Variants in ABCA3 observed in about 807,000 individuals in gnomAD.
ABCA3 encodes phospholipid-transporting ATPase ABCA3.
In ABCA3, 88 loss-of-function variants were observed where a neutral mutation model predicts 172.8. The ratio of observed to expected loss-of-function variants is 0.51; its 90% CI spans 0.43 to 0.61. The LOEUF is 0.61. Ranked by LOEUF, ABCA3 falls within the 20% of genes least tolerant of loss-of-function variation. The pLI, the probability that ABCA3 is intolerant of heterozygous loss-of-function variation, is 0.00. For synonymous variants in ABCA3, 1,066 were observed against 983.8 expected (o/e 1.08, Z -1.56); for missense variants, 2,164 against 2,301.0 (o/e 0.94, Z 1.22).
At position 2,313,601 on chromosome 16, in the gene ABCA3, TA is replaced by T. The variant is rs1420435630; in HGVS notation, c.1111+3681del. ...GAAAGGGGGTTGTAAAAGTATAGTT[TA>T]AAAAAAAAAAGAAATTAAGAGGCCA... On this transcript the variant is annotated intron_variant, in intron 10 of 32. Coordinates refer to ENST00000301732, the MANE Select transcript of ABCA3 (RefSeq NM_001089.3). Among the ~76,000 whole-genome samples, 62 of 134,080 alleles carry T rather than the reference TA, an allele frequency of 4.6e-4. 1 individual carries two copies. The highest frequency in any genetic ancestry group is 9.7e-4 in the South Asian group (4 of 4,142). 88.0% of individuals were successfully genotyped at this position (134,080 alleles called of 152,430 possible). A position where few individuals can be genotyped will look rare whatever the true frequency, so the allele number is the denominator to read the frequency against.
In ABCA3 at chr16:2,288,065, C is replaced by G; in HGVS notation, c.2965G>C (p.Ala989Pro). The G allele has an allele frequency of 6.2e-7, 1 of 1,612,302 alleles. No individual in the cohort carries two copies. The highest frequency in any genetic ancestry group is 8.5e-7 in the Non-Finnish European group (1 of 1,180,014). The change falls in exon 21 of 33, where the codon GCA becomes CCA. Residue 989 changes from alanine (A) to proline (P), a missense_variant. Physicochemically the swap from Ala to Pro is conservative, Grantham distance 27. This residue lies in a region of ABCA3 where 1,343 missense variants were observed against 1,369.6 expected (regional missense o/e 0.98). Coordinates refer to ENST00000301732, the MANE Select transcript of ABCA3 (RefSeq NM_001089.3). ...GGCTCCTGTCCCTCAGCCTGCAGTG[C>G]GTCTTTCAGATGCTCTGACAGCTGC... The part of the protein sequence containing the change: ...GQQLSEHLKD[A>P]LQAEGQEPRE...
intron 5 of ABCA3, among the ~76,000 whole-genome samples, chr16:2,325,070 G>T (rs1158815629): frequency 6.6e-6 from 1 of 152,160 alleles, no homozygotes; most frequent in Non-Finnish European, 1.5e-5. Flanking sequence ...AATGAGGAGG[G>T]GAAAATGGAG....
At chr16:2,323,410 G>A (rs2093729097) in intron 7 of ABCA3, 113 bp downstream of exon 7, 4 of 1,406,824 alleles carry the variant, frequency 2.8e-6, no homozygotes, top group Non-Finnish European at 4.0e-6. Context: ...CAAGCCAAAT[G>A]TCCTGAAAAG....
At chr16:2,303,279 T>C (rs2093692373) in intron 12 of ABCA3, among the ~76,000 whole-genome samples, 1 of 151,510 alleles carries the variant, frequency 6.6e-6, no homozygotes, top group Admixed American at 6.6e-5. Flanking sequence ...TTTTTTTTTT[T>C]TGAGACAGAC....
intron 10 of ABCA3, 144 bp downstream of exon 10, chr16:2,317,139 C>T (rs1056150923): frequency 4.0e-6 from 5 of 1,257,794 alleles, no homozygotes; most frequent in Middle Eastern, 1.9e-4. Flanking sequence ...TTTCCTCCTT[C>T]CAGTCCAACC....
At chr16:2,276,867 T>A (rs1473518400) in intron 32 of ABCA3, 62 bp from the exon 33 acceptor site, 12 of 1,603,552 alleles carry the variant, frequency 7.5e-6, no homozygotes, top group Admixed American at 1.7e-5. Context: ...CTGCGGGACC[T>A]GGGAGTCCTC....
chr16:2,289,454 C>T lies in ABCA3; in HGVS notation c.2680G>A (p.Ala894Thr), dbSNP rs753505428. The change falls in exon 20 of 33, where the codon GCT becomes ACT. Residue 894 changes from alanine (A) to threonine (T), a missense_variant. By Grantham distance (58) the Ala-to-Thr change is moderately conservative (BLOSUM62 0). This residue lies in a region of ABCA3 where 1,343 missense variants were observed against 1,369.6 expected (regional missense o/e 0.98). Transcript: ENST00000301732. ...IGALIEEERT[A>T]VKLNTGLALH... The stretch of plus-strand genomic sequence containing the variant: ...CTCACCCCAGTGTTGAGCTTGACAG[C>T]GGTGCGCTCCTCCTCGATGAGGGCT... The T allele has an allele frequency of 6.3e-6, 10 of 1,589,100 alleles. No homozygotes were observed. The highest frequency in any genetic ancestry group is 4.6e-5 in the South Asian group (4 of 87,264).
rs1266975852 is a variant in ABCA3, at chr16:2,278,882, A to G, written c.4547+61T>C. ...GACCTGAGCGGTCACTCCCAGCTCT[A>G]TGCTATGGGGACCTTGATTCTGACT... On this transcript the variant is annotated intron_variant, in intron 29 of 32. Coordinates refer to ENST00000301732, the MANE Select transcript of ABCA3 (RefSeq NM_001089.3). This position sits in a 1 kb window ranked among gnomAD's most constrained non-coding sequence, Gnocchi z 4.4. The G allele has an allele frequency of 1.3e-5, 21 of 1,608,326 alleles. No individual in the cohort carries two copies. The African/African-American group carries it at 2.8e-4, about 21-fold the overall frequency.
rs1262069625 is a variant in ABCA3, at chr16:2,286,134, G to A, written c.3279-488C>T. Reference sequence around the variant, plus strand: ...GGCCTAGGCCTAGCCTGGAATGTGGGTGGAGACGACACTGCCCTGAGGAGG... The same window carrying A: ...GGCCTAGGCCTAGCCTGGAATGTGGATGGAGACGACACTGCCCTGAGGAGG... On this transcript the variant is annotated intron_variant, in intron 22 of 32. Coordinates refer to ENST00000301732, the MANE Select transcript of ABCA3 (RefSeq NM_001089.3). This position sits in a 1 kb window ranked among gnomAD's most constrained non-coding sequence, Gnocchi z 5.2. 6.6e-6 allele frequency among the ~76,000 whole-genome samples: 1 copy of A among 152,236 alleles called. No individual in the cohort carries two copies. Among genetic ancestry groups the A allele is most frequent in the East Asian group, 1.9e-4 (1 of 5,196 alleles).
chr16:2,295,290 C>A, intron 18 of ABCA3, among the ~76,000 whole-genome samples: 1 of 152,226 alleles, frequency 6.6e-6, no homozygotes, highest in East Asian at 1.9e-4. Flanking sequence ...ACGTGTTGAG[C>A]CTGGTGTCAG....
chr16:2,330,164 C>A (rs114992590), intron 1 of ABCA3, among the ~76,000 whole-genome samples: 14 of 151,100 alleles, frequency 9.3e-5, no homozygotes, highest in African/African-American at 3.4e-4. Flanking sequence ...GGTGTGGTGA[C>A]GTGTGCCTGT....
intron 11 of ABCA3, among the ~76,000 whole-genome samples, chr16:2,306,754 G>A (rs942556218): frequency 2.0e-5 from 3 of 152,210 alleles, no homozygotes; most frequent in Non-Finnish European, 2.9e-5. Flanking sequence ...GGCGGCTCAC[G>A]CCTGTAATCC....
chr16:2,340,393 G>A (rs1242356379), intron 1 of ABCA3, among the ~76,000 whole-genome samples, 180 bp downstream of exon 1: 1 of 151,622 alleles, frequency 6.6e-6, no homozygotes, highest in East Asian at 1.9e-4. Context: ...CGCGGCAGGA[G>A]GGGCGGGCGC....
chr16:2,328,709 C>T lies in ABCA3; in HGVS notation c.-283G>A, dbSNP rs1215360477. 1 of 359,814 alleles carries T rather than the reference C, an allele frequency of 2.8e-6. No homozygotes were observed. Among genetic ancestry groups the T allele is most frequent in the Non-Finnish European group, 5.6e-6 (1 of 178,074 alleles). The allele number at this position is 359,814 out of a possible 1,614,324, so 22.3% of individuals were successfully genotyped here. On this transcript the variant is annotated 5_prime_UTR_variant, in exon 3 of 33. Transcript: ENST00000301732. ...TTCATGTGCGGAAAAGCCTCCTTGA[C>T]TCACAGTGGAAGAGTTTCAGGTTCA...
Position 2,286,860 on chromosome 16 carries a change from C to T in ABCA3, c.3112G>A (p.Val1038Ile), listed in dbSNP as rs34994813. The T allele has an allele frequency of 9.5e-5, 154 of 1,614,072 alleles. No homozygotes were observed. The highest frequency in any genetic ancestry group is 8.4e-4 in the African/African-American group (63 of 75,024). ...GCCTGGTTGTTGAACAAGGCGTTGA[C>T]GACCGTGCGCTCTCCCACATCTCTG... Reference protein sequence around the residue: ...SFRDVGERTVVNALFNNQAYH... With the variant: ...SFRDVGERTVINALFNNQAYH... Residue 1038 changes from valine to isoleucine, a missense_variant, in exon 22 of 33, where the codon GTC becomes ATC. Around this residue, in one of 3 missense-constraint regions of ABCA3, gnomAD observed 26 missense variants for 49.5 expected, o/e 0.53. Coordinates refer to ENST00000301732, the MANE Select transcript of ABCA3 (RefSeq NM_001089.3). The surrounding 1 kb of genome is among the most constrained non-coding windows in gnomAD (Gnocchi z 5.2).
chr16:2,319,568 A>C lies in ABCA3; in HGVS notation c.873+13T>G. 6.2e-7 allele frequency: 1 copy of C among 1,608,970 alleles called. No individual in the cohort carries two copies. The highest frequency in any genetic ancestry group is 8.5e-7 in the Non-Finnish European group (1 of 1,179,830). The stretch of plus-strand genomic sequence containing the variant: ...GGTTTCTAGAGTGTTGGGGAGCCAA[A>C]GCGGGCAGTCACCTTCAGCCTCCTT... On this transcript the variant is annotated intron_variant, in intron 8 of 32. Coordinates refer to ENST00000301732, the MANE Select transcript of ABCA3 (RefSeq NM_001089.3).
At chr16:2,314,867 C>A (rs993860697) in intron 10 of ABCA3, among the ~76,000 whole-genome samples, 3 of 147,566 alleles carry the variant, frequency 2.0e-5, no homozygotes, top group Non-Finnish European at 3.0e-5. Context: ...GCCATAGTGC[C>A]TGGTCTTTTT....
In ABCA3 at chr16:2,286,962, G is replaced by C. The variant is rs1457037022; in HGVS notation, c.3010C>G (p.Leu1004Val). The C allele has an allele frequency of 6.2e-7, 1 of 1,612,776 alleles. No individual in the cohort carries two copies. Among genetic ancestry groups the C allele is most frequent in the African/African-American group, 1.3e-5 (1 of 74,924 alleles). The change falls in exon 22 of 33, where the codon CTG becomes GTG. Residue 1004 changes from leucine to valine, a missense_variant. Leu to Val is a conservative substitution (Grantham distance 32). Transcript: ENST00000301732. This position sits in a 1 kb window ranked among gnomAD's most constrained non-coding sequence, Gnocchi z 5.2. ...GCCCTGAAGATCAAGAACTCCTCCA[G>C]GTCACCTGGGGAGCAATGGCAGAGT... ...GQEPREVLGD[L>V]EEFLIFRASV...
At chr16:2,338,751 C>CTTT (rs34719364) in intron 1 of ABCA3, among the ~76,000 whole-genome samples, 1,351 of 121,556 alleles carry the variant, frequency 0.011, 60 homozygotes, top group African/African-American at 0.044. Context: ...TCCAATTCAT[C>CTTT]TTTTTTTTTT....
Sources: gnomAD v4.1 joint callset for allele counts (sites outside exome capture counted in the v4.1 genomes callset) on GRCh38, gnomAD v4.1.1 for gene constraint, gnomAD v4.1.1 regional missense constraint, Gnocchi (gnomAD v3.1) non-coding constraint, MANE v1.5 for transcripts, NCBI Gene and HGNC (gene_info 2026-07-23, HGNC 2026-07-21) for gene names.